Variants in ACBD6 observed in about 807,000 individuals in gnomAD.
ACBD6 encodes the protein acyl-CoA binding domain containing 6, also known as acyl-CoA-binding domain-containing protein 6.
A neutral mutation model predicts 37.2 loss-of-function variants in ACBD6; 28 were observed. The ratio of observed to expected loss-of-function variants is 0.75; its 90% confidence interval spans 0.56 to 1.03. ACBD6 has a LOEUF of 1.03. Among genes scored for constraint, ACBD6 ranks in the 50% least tolerant of loss-of-function variants. ACBD6 has a pLI of 0.00. For missense variants in ACBD6, 340 were observed against 337.4 expected (o/e 1.01, Z -0.06); for synonymous variants, 113 against 126.8 (o/e 0.89, Z 0.73).
chr1:180,308,310 T>C (rs1347396973), intron 7 of ACBD6, among the ~76,000 whole-genome samples: 1 of 152,228 alleles, frequency 6.6e-6, no homozygotes, highest in Admixed American at 6.5e-5. Context: ...TAGTTTACTA[T>C]GTCTGCTGTC....
Position 180,274,412 on chromosome 1 carries a change from A to G in ACBD6, c.*936+239T>C. ...CAATGGGCTGGATTACACGGTGGAC[A>G]GTAATTTGGGCATCATTGCGCATGC... On this transcript the variant is annotated intron_variant, in intron 10 of 13. Coordinates refer to the ACBD6 transcript ENST00000642319. The G allele has an allele frequency of 6.2e-7, 1 of 1,614,220 alleles. No individual in the cohort carries two copies. The highest frequency in any genetic ancestry group is 1.7e-5 in the Admixed American group (1 of 60,028).
chr1:180,413,795 A>G (rs1017428941), intron 4 of ACBD6, among the ~76,000 whole-genome samples: 2 of 152,218 alleles, frequency 1.3e-5, no homozygotes, highest in East Asian at 1.9e-4. Flanking sequence ...AAAATCCTTT[A>G]TAAGATAGTA....
chr1:180,388,877 G>C (rs1653956166), intron 6 of ACBD6, among the ~76,000 whole-genome samples: 1 of 152,108 alleles, frequency 6.6e-6, no homozygotes, highest in South Asian at 2.1e-4. Flanking sequence ...CTTGTACACT[G>C]AAAACTATAA....
At chr1:180,410,897 T>C (rs1647826965) in intron 5 of ACBD6, among the ~76,000 whole-genome samples, 1 of 152,240 alleles carries the variant, frequency 6.6e-6, no homozygotes, top group African/African-American at 2.4e-5. Context: ...CTGATAGATC[T>C]GGGCAAACTG....
At chr1:180,434,910 T>C (rs1648959042) in intron 3 of ACBD6, 2 of 775,696 alleles carry the variant, frequency 2.6e-6, no homozygotes, top group Non-Finnish European at 4.8e-6. Context: ...TGAATTGGAA[T>C]TTACAAGCTC....
chr1:180,437,276 G>T (rs964367758), intron 3 of ACBD6, among the ~76,000 whole-genome samples: 6 of 152,208 alleles, frequency 3.9e-5, no homozygotes, highest in African/African-American at 1.4e-4. Flanking sequence ...AAGCCAGTTG[G>T]TAAGAAATTC....
intron 3 of ACBD6, among the ~76,000 whole-genome samples, chr1:180,436,937 T>G (rs1440083786): frequency 2.6e-5 from 4 of 152,180 alleles, no homozygotes; most frequent in African/African-American, 9.7e-5. Flanking sequence ...AGGATATCTA[T>G]TCTCATCACT....
In ACBD6 at chr1:180,372,838, C is replaced by CAG. The variant is rs1653311974; in HGVS notation, c.663+24676_663+24677dup. 3.3e-5 allele frequency among the ~76,000 whole-genome samples: 5 copies of CAG among 152,332 alleles called. No homozygotes were observed. In the South Asian group the frequency reaches 1.0e-3, roughly 32 times the overall value. On this transcript the variant is annotated intron_variant, in intron 6 of 7. Transcript: ENST00000367595. Reference sequence around the variant, plus strand: ...GGCATGCTCAAGACTTTGCCCTTAACAGAACCAAGACCTCTGGCCAGTGTC... The same window carrying CAG: ...GGCATGCTCAAGACTTTGCCCTTAACAGAGAACCAAGACCTCTGGCCAGTGTC...
chr1:180,400,722 C>T (rs1647315333), intron 5 of ACBD6, among the ~76,000 whole-genome samples: 1 of 152,182 alleles, frequency 6.6e-6, no homozygotes. Context: ...CTAACATAAC[C>T]AGTAATTTGC....
intron 5 of ACBD6, among the ~76,000 whole-genome samples, chr1:180,400,431 T>C (rs1288350161): frequency 6.6e-6 from 1 of 152,248 alleles, no homozygotes; most frequent in Middle Eastern, 3.2e-3. Flanking sequence ...ATGAATTCTC[T>C]GACAATGACT....
At chr1:180,330,141 G>T (rs1651422700) in intron 6 of ACBD6, among the ~76,000 whole-genome samples, 1 of 152,170 alleles carries the variant, frequency 6.6e-6, no homozygotes, top group Admixed American at 6.5e-5. Flanking sequence ...GCTGGGCATG[G>T]TGGCTCATGA....
rs1230254497 is a variant in ACBD6 at position 180,347,473 on chromosome 1, TCTC to T, written c.664-32754_664-32752del. Among the ~76,000 whole-genome samples, 4 of 150,990 alleles carry T rather than the reference TCTC, an allele frequency of 2.6e-5. No individual in the cohort carries two copies. The East Asian group carries it at 7.9e-4, about 30-fold the overall frequency. On this transcript the variant is annotated intron_variant, in intron 6 of 7. Coordinates refer to ENST00000367595, the MANE Select transcript of ACBD6 (RefSeq NM_032360.4). ...TCCCCCTCCCGGGGGTTGAAGCAAT[TCTC>T]CTACCTCAGCCTCCCGAGTAGCAAG...
At chr1:180,408,472 G>C (rs1298126631) in intron 5 of ACBD6, among the ~76,000 whole-genome samples, 3 of 151,956 alleles carry the variant, frequency 2.0e-5, no homozygotes, top group East Asian at 1.9e-4. Context: ...TGAACAATGA[G>C]AACACATGGA....
intron 6 of ACBD6, among the ~76,000 whole-genome samples, chr1:180,368,559 TGTAAGG>T (rs1337826899): frequency 2.0e-5 from 3 of 152,120 alleles, no homozygotes; most frequent in Non-Finnish European, 1.5e-5. Flanking sequence ...TTGTATGTGG[TGTAAGG>T]AAGGGGTCCA....
chr1:180,474,305 T>G (rs1399211956), intron 3 of ACBD6, among the ~76,000 whole-genome samples: 14 of 152,232 alleles, frequency 9.2e-5, no homozygotes, highest in African/African-American at 1.4e-4. Flanking sequence ...GAGAGGTATA[T>G]TAGAATAGCT....
intron 6 of ACBD6, among the ~76,000 whole-genome samples, chr1:180,389,878 G>A (rs1177009113): frequency 6.6e-6 from 1 of 152,102 alleles, no homozygotes; most frequent in Non-Finnish European, 1.5e-5. Flanking sequence ...ATTGGTTTGA[G>A]TTCATTGTAG....
intron 7 of ACBD6, among the ~76,000 whole-genome samples, chr1:180,305,676 T>C (rs536600290): frequency 9.8e-5 from 15 of 152,292 alleles, no homozygotes; most frequent in African/African-American, 2.9e-4. Context: ...GGTTCAACCA[T>C]TGTGGAAGTC....
intron 7 of ACBD6, among the ~76,000 whole-genome samples, chr1:180,290,705 G>T (rs61811560): frequency 0.03 from 4,583 of 152,332 alleles, 104 homozygotes; most frequent in South Asian, 0.053. Flanking sequence ...AGCTTTGAAG[G>T]ATCGAGCAAA....
At position 180,430,160 on chromosome 1, in the gene ACBD6, A is replaced by C. The variant is rs1479061819; in HGVS notation, c.467+20T>G. 6.3e-7 allele frequency: 1 copy of C among 1,597,854 alleles called. No homozygotes were observed. Among genetic ancestry groups the C allele is most frequent in the South Asian group, 1.1e-5 (1 of 90,780 alleles). ...ACAGGCATATATATTTCTATTATCA[A>C]AGATCAGAAGAGAAATTACCTGATG... On this transcript the variant is annotated intron_variant, in intron 4 of 7. Coordinates refer to ENST00000367595, the MANE Select transcript of ACBD6 (RefSeq NM_032360.4).
Sources: gnomAD v4.1 joint callset for allele counts (sites outside exome capture counted in the v4.1 genomes callset) on GRCh38, gnomAD v4.1.1 for gene constraint, MANE v1.5 for transcripts, NCBI Gene and HGNC (gene_info 2026-07-23, HGNC 2026-07-21) for gene names.